Variants in NKAIN2 observed in about 807,000 individuals in gnomAD.
NKAIN2 encodes the protein sodium/potassium transporting ATPase interacting 2.
NKAIN2 carries 14 observed loss-of-function variants against 32.6 expected under a neutral mutation model. The observed-to-expected ratio is 0.43, with a 90% confidence interval of 0.28 to 0.67. The LOEUF (loss-of-function observed/expected upper bound fraction) is 0.67. NKAIN2 is among the 30% of genes least tolerant of loss of function. The pLI, the probability that NKAIN2 is intolerant of heterozygous loss-of-function variation, is 0.17. For missense variants in NKAIN2, 198 were observed against 258.3 expected (o/e 0.77, Z 1.60); for synonymous variants, 80 against 87.2 (o/e 0.92, Z 0.46).
chr6:124,397,458 G>T (rs1201771703), intron 3 of NKAIN2, among the ~76,000 whole-genome samples: 1 of 151,512 alleles, frequency 6.6e-6, no homozygotes, highest in Admixed American at 6.6e-5. Context: ...CTACCATTGG[G>T]CTGTTTTACC....
intron 6 of NKAIN2, among the ~76,000 whole-genome samples, chr6:124,821,294 CAAA>C (rs11320821): frequency 9.0e-5 from 8 of 88,804 alleles, no homozygotes; most frequent in Admixed American, 1.1e-4. Context: ...GGCTCTGTCT[CAAA>C]AAAAAAAAAA....
At chr6:123,993,484 G>C (rs1270808867) in intron 1 of NKAIN2, among the ~76,000 whole-genome samples, 1 of 152,076 alleles carries the variant, frequency 6.6e-6, no homozygotes, top group Admixed American at 6.5e-5. Flanking sequence ...AGATACATAT[G>C]GGCATAAGCC....
chr6:124,565,125 G>C (rs1470221142), intron 3 of NKAIN2, among the ~76,000 whole-genome samples: 1 of 152,106 alleles, frequency 6.6e-6, no homozygotes, highest in African/African-American at 2.4e-5. Flanking sequence ...GTTGAACTCA[G>C]GGAGAGTCTC....
intron 4 of NKAIN2, 73 bp downstream of exon 4, chr6:124,658,459 A>T (rs560091019): frequency 6.2e-7 from 1 of 1,608,320 alleles, no homozygotes; most frequent in Non-Finnish European, 8.5e-7. Flanking sequence ...CTCAGTGCAC[A>T]CAAATGGAAT....
At chr6:124,732,567 A>G (rs576398422) in intron 4 of NKAIN2, among the ~76,000 whole-genome samples, 2 of 152,238 alleles carry the variant, frequency 1.3e-5, no homozygotes, top group East Asian at 1.9e-4. Context: ...GTGAGATTCA[A>G]TAATTTACTT....
At chr6:123,818,108 A>G (rs1268406360) in intron 1 of NKAIN2, among the ~76,000 whole-genome samples, 1 of 152,200 alleles carries the variant, frequency 6.6e-6, no homozygotes, top group Admixed American at 6.5e-5. Context: ...CTGTTAAAAT[A>G]TGCATATAGT....
At chr6:124,815,878 C>T (rs1781140369) in intron 5 of NKAIN2, among the ~76,000 whole-genome samples, 1 of 152,012 alleles carries the variant, frequency 6.6e-6, no homozygotes, top group South Asian at 2.1e-4. Context: ...TCATCCAGGA[C>T]TCTACACTCT....
chr6:124,346,945 T>C (rs1391849960), intron 2 of NKAIN2, among the ~76,000 whole-genome samples: 1 of 152,210 alleles, frequency 6.6e-6, no homozygotes, highest in Non-Finnish European at 1.5e-5. Context: ...GTCTTTACAT[T>C]TTGGCATGAT....
chr6:124,267,821 T>C (rs761401017), intron 1 of NKAIN2, among the ~76,000 whole-genome samples: 8 of 152,200 alleles, frequency 5.3e-5, no homozygotes, highest in Non-Finnish European at 1.0e-4. Context: ...AGCTTTACTA[T>C]ATTTGGCATG....
intron 3 of NKAIN2, among the ~76,000 whole-genome samples, chr6:124,525,813 A>G (rs1779290395): frequency 6.6e-6 from 1 of 152,194 alleles, no homozygotes; most frequent in East Asian, 1.9e-4. Flanking sequence ...AAAAAATGTT[A>G]AGGACGTAGA....
chr6:124,480,971 A>C (rs928928524), intron 3 of NKAIN2, among the ~76,000 whole-genome samples: 1 of 152,076 alleles, frequency 6.6e-6, no homozygotes, highest in Non-Finnish European at 1.5e-5. Flanking sequence ...GTAAACTCTT[A>C]TTAGGAGTAA....
intron 4 of NKAIN2, among the ~76,000 whole-genome samples, chr6:124,672,569 T>A (rs1187760860): frequency 2.0e-5 from 3 of 152,032 alleles, no homozygotes; most frequent in Non-Finnish European, 2.9e-5. Context: ...GCATCTTTAT[T>A]TTTCATAAAA....
intron 1 of NKAIN2, among the ~76,000 whole-genome samples, chr6:123,945,770 C>T (rs1368354963): frequency 2.0e-5 from 3 of 152,092 alleles, no homozygotes; most frequent in East Asian, 3.9e-4. Context: ...CTGAGAAATT[C>T]GTCAATTGTG....
chr6:124,822,377 C>G (rs1385316999), intron 6 of NKAIN2, among the ~76,000 whole-genome samples: 1 of 152,098 alleles, frequency 6.6e-6, no homozygotes, highest in Non-Finnish European at 1.5e-5. Flanking sequence ...GTCCAAACAC[C>G]CTAAAAATAT....
At chr6:123,975,471 G>T (rs540405590) in intron 1 of NKAIN2, among the ~76,000 whole-genome samples, 200 of 152,262 alleles carry the variant, frequency 1.3e-3, no homozygotes, top group Middle Eastern at 3.4e-3. Context: ...TTTTAGAAAA[G>T]TTACTTGTCT....
chr6:124,297,393 A>G (rs192734346), intron 2 of NKAIN2, among the ~76,000 whole-genome samples: 358 of 152,334 alleles, frequency 2.4e-3, no homozygotes, highest in Non-Finnish European at 3.7e-3. Flanking sequence ...ATTTACTATT[A>G]TGTAAAAGTG....
chr6:124,465,917 CAT>C (rs1160224862), intron 3 of NKAIN2, among the ~76,000 whole-genome samples: 13 of 152,066 alleles, frequency 8.5e-5, no homozygotes, highest in African/African-American at 1.7e-4. Flanking sequence ...AAATTCTAAA[CAT>C]GTGAATGTTT....
intron 1 of NKAIN2, among the ~76,000 whole-genome samples, chr6:123,828,183 A>AT (rs1027094070): frequency 6.6e-6 from 1 of 151,752 alleles, no homozygotes; most frequent in African/African-American, 2.4e-5. Context: ...GCTTATCATG[A>AT]TTTTTCTCTC....
chr6:123,973,612 A>T (rs1778431137), intron 1 of NKAIN2, among the ~76,000 whole-genome samples: 1 of 152,108 alleles, frequency 6.6e-6, no homozygotes, highest in South Asian at 2.1e-4. Flanking sequence ...CCTGCTATTC[A>T]AAACTCCAAA....
Sources: gnomAD v4.1 joint callset for allele counts (sites outside exome capture counted in the v4.1 genomes callset) on GRCh38, gnomAD v4.1.1 for gene constraint, MANE v1.5 for transcripts, NCBI Gene and HGNC (gene_info 2026-07-23, HGNC 2026-07-21) for gene names.